The following UNC13C variants were observed in gnomAD, a reference collection of about 807,000 sequenced individuals.
UNC13C encodes the protein unc-13 homolog C.
UNC13C carries 174 observed loss-of-function variants against 245.4 expected under a neutral mutation model. The observed-to-expected ratio is 0.71, with a 90% CI of 0.63 to 0.80. The LOEUF is 0.80. Among genes scored for constraint, UNC13C ranks in the 30% least tolerant of loss-of-function variants. The pLI is 0.00. For missense variants in UNC13C, 2,829 were observed against 2,602.9 expected (o/e 1.09, Z -1.89); for synonymous variants, 992 against 895.1 (o/e 1.11, Z -1.93).
At chr15:54,150,812 A>T in intron 4 of UNC13C, among the ~76,000 whole-genome samples, 1 of 152,186 alleles carries the variant, frequency 6.6e-6, no homozygotes, top group East Asian at 1.9e-4. Context: ...GCATCTATGA[A>T]ATTAAGATAA....
chr15:54,354,348 C>A (rs2140849276), intron 17 of UNC13C, among the ~76,000 whole-genome samples: 1 of 152,300 alleles, frequency 6.6e-6, no homozygotes. Flanking sequence ...GGAGTTTGTG[C>A]TATAACACCA....
At chr15:53,972,352 A>G in the UNC13C span, among the ~76,000 whole-genome samples, 2 of 152,232 alleles carry the variant, frequency 1.3e-5, no homozygotes, top group African/African-American at 2.4e-5. Context: ...AACAACTAGG[A>G]AACGGGAGAA....
upstream of UNC13C, among the ~76,000 whole-genome samples, chr15:53,976,477 C>CTTTTTTTTTTTTTTTTTTTTTTT (rs10682648): frequency 4.3e-4 from 27 of 63,018 alleles, 4 homozygotes; most frequent in Non-Finnish European, 6.5e-4. Context: ...CTCTCTCTCT[C>CTTTTTTTTTTTTTTTTTTTTTTT]TTTTTTTTTT....
At chr15:54,609,447 A>G (rs991328437) in intron 30 of UNC13C, 3 of 152,188 alleles carry the variant, frequency 2.0e-5, no homozygotes, top group African/African-American at 7.2e-5. Flanking sequence ...TCAGTGATGT[A>G]TGTATTCTCC....
intron 12 of UNC13C, among the ~76,000 whole-genome samples, chr15:54,298,521 C>A (rs538192195): frequency 6.6e-6 from 1 of 152,156 alleles, no homozygotes; most frequent in Non-Finnish European, 1.5e-5. Context: ...CCGTGTTAAC[C>A]TCTCTTTCTA....
chr15:54,103,902 GC>G (rs1452020978), intron 2 of UNC13C, among the ~76,000 whole-genome samples: 1 of 152,088 alleles, frequency 6.6e-6, no homozygotes, highest in African/African-American at 2.4e-5. Context: ...GTGCCACCAT[GC>G]CCAGCTAATT....
At chr15:53,964,245 T>C in the UNC13C span, among the ~76,000 whole-genome samples, 1 of 152,152 alleles carries the variant, frequency 6.6e-6, no homozygotes, top group Admixed American at 6.5e-5. Context: ...ATCAAACAGC[T>C]TGACTAAGTG....
chr15:54,045,739 G>C (rs1193431409), intron 2 of UNC13C, among the ~76,000 whole-genome samples: 1 of 152,128 alleles, frequency 6.6e-6, no homozygotes, highest in Non-Finnish European at 1.5e-5. Context: ...AATCTCTGGG[G>C]AAATACTTCG....
At chr15:54,119,625 T>C (rs1323742683) in intron 2 of UNC13C, among the ~76,000 whole-genome samples, 1 of 152,086 alleles carries the variant, frequency 6.6e-6, no homozygotes, top group Non-Finnish European at 1.5e-5. Context: ...TCACTTTAAA[T>C]TGAAAACTAG....
At chr15:54,611,465 G>A (rs754626505) in intron 30 of UNC13C, 1 of 152,086 alleles carries the variant, frequency 6.6e-6, no homozygotes, top group Admixed American at 6.6e-5. Context: ...GAGATGGACA[G>A]TATATTCAAG....
At chr15:53,999,884 T>C (rs1444302362) in intron 1 of UNC13C, among the ~76,000 whole-genome samples, 1 of 152,074 alleles carries the variant, frequency 6.6e-6, no homozygotes, top group Non-Finnish European at 1.5e-5. Flanking sequence ...TTTAAATGTC[T>C]TTTATTATGG....
chr15:53,981,183 A>G (rs1893912974), intron 1 of UNC13C, among the ~76,000 whole-genome samples: 1 of 152,204 alleles, frequency 6.6e-6, no homozygotes, highest in African/African-American at 2.4e-5. Context: ...AATGCAATGC[A>G]TAAACCCTGC....
chr15:54,531,535 G>T (rs1895732548), intron 25 of UNC13C, among the ~76,000 whole-genome samples: 1 of 152,124 alleles, frequency 6.6e-6, no homozygotes, highest in Non-Finnish European at 1.5e-5. Context: ...AATGGTTAGA[G>T]GTCAGGCAGT....
chr15:54,324,622 G>A (rs577513923), intron 14 of UNC13C, among the ~76,000 whole-genome samples: 82 of 151,920 alleles, frequency 5.4e-4, no homozygotes, highest in African/African-American at 1.9e-3. Flanking sequence ...TTGCACTCCA[G>A]CCTGGGCAAC....
At chr15:54,480,454 C>A (rs1893046064) in intron 19 of UNC13C, among the ~76,000 whole-genome samples, 1 of 145,016 alleles carries the variant, frequency 6.9e-6, no homozygotes, top group Non-Finnish European at 1.5e-5. Context: ...TGGGTTATCT[C>A]AAAAGACCTG....
intron 2 of UNC13C, among the ~76,000 whole-genome samples, chr15:54,112,304 CAG>C (rs1330869531): frequency 6.6e-6 from 1 of 152,070 alleles, no homozygotes; most frequent in African/African-American, 2.4e-5. Flanking sequence ...CTCTTTCCTG[CAG>C]AGAGAGAGGG....
chr15:54,362,024 C>T (rs185612446), intron 17 of UNC13C, among the ~76,000 whole-genome samples: 1 of 152,286 alleles, frequency 6.6e-6, no homozygotes, highest in African/African-American at 2.4e-5. Context: ...AAAAATATGG[C>T]CAGGGATTTG....
chr15:54,280,650 ATATG>A (rs1481459555), intron 10 of UNC13C, among the ~76,000 whole-genome samples: 7 of 147,698 alleles, frequency 4.7e-5, no homozygotes, highest in South Asian at 2.1e-4. Flanking sequence ...ATATAAACAT[ATATG>A]TATGTATATA....
chr15:53,901,585 C>A, the UNC13C span, among the ~76,000 whole-genome samples: 2 of 152,060 alleles, frequency 1.3e-5, no homozygotes, highest in South Asian at 2.1e-4. Context: ...TATCTATAGA[C>A]AATTAGGTTG....
Sources: gnomAD v4.1 joint callset for allele counts (sites outside exome capture counted in the v4.1 genomes callset) on GRCh38, gnomAD v4.1.1 for gene constraint, MANE v1.5 for transcripts, NCBI Gene and HGNC (gene_info 2026-07-23, HGNC 2026-07-21) for gene names.